Variants in CLIC4 observed in about 807,000 individuals in gnomAD.
The protein encoded by CLIC4 is CLIC family member 4.
Under a neutral mutation model 24.6 loss-of-function variants are expected in CLIC4, and 13 were observed. That is an observed-to-expected ratio of 0.53 (90% confidence interval 0.34 to 0.84). The LOEUF is 0.84. Ranked by LOEUF, CLIC4 falls within the 40% of genes least tolerant of loss-of-function variation. The pLI is 0.01. For missense variants in CLIC4, 227 were observed against 301.7 expected (o/e 0.75, Z 1.83); for synonymous variants, 104 against 111.3 (o/e 0.93, Z 0.41).
At chr1:24,772,414 G>T (rs907617035) in intron 1 of CLIC4, among the ~76,000 whole-genome samples, 1 of 152,146 alleles carries the variant, frequency 6.6e-6, no homozygotes, top group Non-Finnish European at 1.5e-5. Flanking sequence ...AGATAGACAA[G>T]AATTCTGAAT....
At chr1:24,755,371 G>A (rs373541750) in intron 1 of CLIC4, among the ~76,000 whole-genome samples, 22 of 151,640 alleles carry the variant, frequency 1.5e-4, no homozygotes, top group African/African-American at 4.1e-4. Context: ...CCCGGGAGGC[G>A]GAGGTTGCAG....
In CLIC4 at chr1:24,827,034, C is replaced by T; in HGVS notation, c.333C>T (p.His111=). The T allele has an allele frequency of 6.2e-7, 1 of 1,609,468 alleles. No homozygotes were observed. Among genetic ancestry groups the T allele is most frequent in the Non-Finnish European group, 8.5e-7 (1 of 1,178,336 alleles). The change falls in exon 4 of 6, where the codon CAC becomes CAT. Residue 111 remains histidine, a synonymous_variant. Coordinates refer to ENST00000374379, the MANE Select transcript of CLIC4 (RefSeq NM_013943.3). ...GGTACTTAAAGCTTTCACCAAAACACCCAGAATCAAATACTGCTGGAATGG... is the reference window on the plus strand; with the variant it reads ...GGTACTTAAAGCTTTCACCAAAACATCCAGAATCAAATACTGCTGGAATGG... The part of the protein sequence containing the change: ...PPKYLKLSPK[H]PESNTAGMDI...
intron 2 of CLIC4, 32 bp from the exon 3 acceptor site, chr1:24,814,062 G>T: frequency 6.2e-7 from 1 of 1,611,564 alleles, no homozygotes; most frequent in Non-Finnish European, 8.5e-7. Flanking sequence ...AGTAAAAAAT[G>T]ATCTGATTTT....
At chr1:24,804,511 G>A (rs1397193668) in intron 2 of CLIC4, among the ~76,000 whole-genome samples, 1 of 99,344 alleles carries the variant, frequency 1.0e-5, no homozygotes, top group East Asian at 3.5e-4. Flanking sequence ...GGGTGTGTGT[G>A]TATGTGGGTG....
intron 2 of CLIC4, among the ~76,000 whole-genome samples, chr1:24,809,859 G>A (rs530654364): frequency 2.0e-5 from 3 of 152,258 alleles, no homozygotes; most frequent in East Asian, 3.9e-4. Context: ...AAACAGCTCT[G>A]GGCTATAATA....
At chr1:24,820,067 G>GTGTGTGTATATATATATATA (rs1212033050) in intron 3 of CLIC4, among the ~76,000 whole-genome samples, 12 of 36,478 alleles carry the variant, frequency 3.3e-4, no homozygotes, top group Non-Finnish European at 4.7e-4. Context: ...AAAAAAGTAT[G>GTGTGTGTATATATATATATA]TATATATATA....
chr1:24,808,780 G>T (rs758179501), intron 2 of CLIC4, among the ~76,000 whole-genome samples: 15 of 151,332 alleles, frequency 9.9e-5, no homozygotes, highest in Non-Finnish European at 1.5e-4. Flanking sequence ...GGGTTCAAGC[G>T]ATTCTCCTGC....
intron 4 of CLIC4, among the ~76,000 whole-genome samples, chr1:24,839,426 A>G: frequency 6.6e-6 from 1 of 152,090 alleles, no homozygotes; most frequent in Non-Finnish European, 1.5e-5. Flanking sequence ...CAGCCTCCCG[A>G]GTAGCTGGGA....
At chr1:24,785,361 A>G (rs922237563) in intron 1 of CLIC4, among the ~76,000 whole-genome samples, 1 of 152,232 alleles carries the variant, frequency 6.6e-6, no homozygotes, top group Non-Finnish European at 1.5e-5. Flanking sequence ...ATAACATGGT[A>G]CATAGTAAGT....
chr1:24,753,949 T>TTCTGGTAA (rs1157271671), intron 1 of CLIC4, among the ~76,000 whole-genome samples: 8 of 152,304 alleles, frequency 5.3e-5, no homozygotes, highest in Non-Finnish European at 1.0e-4. Flanking sequence ...CTGAAAACTG[T>TTCTGGTAA]TCTGGTAATT....
intron 3 of CLIC4, among the ~76,000 whole-genome samples, chr1:24,822,004 CAAAG>C (rs1218240934): frequency 6.6e-6 from 1 of 152,202 alleles, no homozygotes; most frequent in Non-Finnish European, 1.5e-5. Flanking sequence ...TTAATCCTCA[CAAAG>C]ACTTTGTGAA....
At chr1:24,820,652 C>T (rs1192469051) in intron 3 of CLIC4, among the ~76,000 whole-genome samples, 1 of 152,130 alleles carries the variant, frequency 6.6e-6, no homozygotes, top group Non-Finnish European at 1.5e-5. Context: ...ATCTTCCTCT[C>T]ATGTCACTGT....
rs531203185 is a variant in CLIC4 at position 24,820,884 on chromosome 1, C to T, written c.309-6126C>T. Among the ~76,000 whole-genome samples, 14 of 152,190 alleles carry T rather than the reference C, an allele frequency of 9.2e-5. No individual in the cohort carries two copies. In the South Asian group the frequency reaches 2.7e-3, roughly 29 times the overall value. ...ATTCTCTTACATCCTTCAGCAACAA[C>T]AACAATGAAGACTTTTGGGCTGGGC... On this transcript the variant is annotated intron_variant, in intron 3 of 5. Coordinates refer to ENST00000374379, the MANE Select transcript of CLIC4 (RefSeq NM_013943.3).
chr1:24,777,745 C>T (rs1639157985), intron 1 of CLIC4: 1 of 151,896 alleles, frequency 6.6e-6, no homozygotes, highest in Non-Finnish European at 1.5e-5. Flanking sequence ...GAAATATACA[C>T]CAGATTTTAA....
At chr1:24,780,920 T>A (rs1639195171) in intron 1 of CLIC4, among the ~76,000 whole-genome samples, 1 of 151,152 alleles carries the variant, frequency 6.6e-6, no homozygotes, top group East Asian at 2.0e-4. Flanking sequence ...AAGCCCTGTC[T>A]CTACTAAAAA....
chr1:24,825,728 TC>T (rs1470973928), intron 3 of CLIC4, among the ~76,000 whole-genome samples: 2 of 152,204 alleles, frequency 1.3e-5, no homozygotes, highest in African/African-American at 4.8e-5. Flanking sequence ...ATATATCTCT[TC>T]CTGAATTCAA....
chr1:24,827,217 C>A, intron 4 of CLIC4, 101 bp downstream of exon 4: 2 of 704,504 alleles, frequency 2.8e-6, no homozygotes, highest in African/African-American at 1.8e-5. Context: ...TAGAGTCCAG[C>A]CATTCCCATA....
At chr1:24,810,713 C>A (rs1380129267) in intron 2 of CLIC4, among the ~76,000 whole-genome samples, 1 of 150,358 alleles carries the variant, frequency 6.7e-6, no homozygotes. Context: ...ATCAAGGCTG[C>A]AGGGAACCAT....
At chr1:24,796,307 G>A in intron 1 of CLIC4, among the ~76,000 whole-genome samples, 1 of 152,092 alleles carries the variant, frequency 6.6e-6, no homozygotes, top group East Asian at 1.9e-4. Flanking sequence ...TCCTGCCTCA[G>A]CCTCGCAAGT....
Sources: allele counts gnomAD v4.1 joint callset (sites outside exome capture counted in the v4.1 genomes callset), GRCh38; gene constraint gnomAD v4.1.1; transcripts MANE v1.5; gene names NCBI Gene and HGNC (gene_info 2026-07-23, HGNC 2026-07-21).